MMS22L: variants seen among roughly 807,000 people sequenced by gnomAD.
MMS22L encodes protein MMS22-like.
A neutral mutation model predicts 159.1 loss-of-function variants in MMS22L; 74 were observed. The ratio of observed to expected loss-of-function variants is 0.47; its 90% CI spans 0.39 to 0.56. MMS22L has a LOEUF of 0.56. MMS22L is among the 20% of genes least tolerant of loss of function. The pLI, the probability that MMS22L is intolerant of heterozygous loss-of-function variation, is 0.00. For missense variants in MMS22L, 1,351 were observed against 1,422.1 expected, an observed-to-expected ratio of 0.95 and a Z score of 0.80; for synonymous variants, 517 against 506.9, an observed-to-expected ratio of 1.02 and a Z score of -0.27.
intron 18 of MMS22L, among the ~76,000 whole-genome samples, chr6:97,176,378 T>A (rs1048965219): frequency 3.3e-5 from 5 of 152,126 alleles, no homozygotes; most frequent in Non-Finnish European, 7.4e-5. Context: ...CATGTATTTC[T>A]CGGTACCTTG....
At chr6:97,168,414 G>C (rs1342467147) in intron 19 of MMS22L, among the ~76,000 whole-genome samples, 174 bp from the exon 20 acceptor site, 1 of 152,096 alleles carries the variant, frequency 6.6e-6, no homozygotes, top group Non-Finnish European at 1.5e-5. Context: ...TTTCACTAAA[G>C]AGACAAATTT....
At chr6:97,215,287 G>C (rs766973710) in intron 14 of MMS22L, among the ~76,000 whole-genome samples, 1 of 151,990 alleles carries the variant, frequency 6.6e-6, no homozygotes, top group Non-Finnish European at 1.5e-5. Context: ...GCTCTGCACA[G>C]TAGTTAGCTG....
intron 8 of MMS22L, chr6:97,267,653 A>G (rs1191735353): frequency 3.3e-5 from 10 of 298,802 alleles, no homozygotes; most frequent in African/African-American, 2.0e-4. Flanking sequence ...AAAAAAAAAA[A>G]AAAAAAGAAA....
chr6:97,220,174 C>T (rs560652495), intron 14 of MMS22L, among the ~76,000 whole-genome samples: 50 of 152,128 alleles, frequency 3.3e-4, no homozygotes, highest in South Asian at 2.1e-4. Context: ...CCCTCAACTT[C>T]GTTGGACAAG....
intron 20 of MMS22L, 34 bp from the exon 21 acceptor site, chr6:97,165,491 TA>T (rs1478136111): frequency 2.6e-6 from 4 of 1,557,328 alleles, no homozygotes; most frequent in Non-Finnish European, 2.6e-6. Flanking sequence ...TACTAAGAGG[TA>T]AAGTTTCAAA....
chr6:97,210,714 T>C (rs1808279718), intron 14 of MMS22L, among the ~76,000 whole-genome samples: 1 of 151,980 alleles, frequency 6.6e-6, no homozygotes, highest in Non-Finnish European at 1.5e-5. Context: ...TGAACTGTGT[T>C]GAATCTCTAA....
intron 8 of MMS22L, chr6:97,267,654 A>G (rs1246043282): frequency 1.3e-5 from 4 of 302,546 alleles, no homozygotes; most frequent in East Asian, 5.7e-5. Flanking sequence ...AAAAAAAAAA[A>G]AAAAAGAAAA....
Position 97,143,582 on chromosome 6 carries a change from AAACAAAC to A in MMS22L, c.*3217_*3223del, listed in dbSNP as rs2128228238. 6.6e-6 allele frequency: 1 copy of A among 152,368 alleles called. No homozygotes were observed. Among genetic ancestry groups the A allele is most frequent in the Admixed American group, 6.5e-5 (1 of 15,298 alleles). The allele number at this position is 152,368 out of a possible 1,614,324, so 9.4% of individuals were successfully genotyped here. A position where few individuals can be genotyped will look rare whatever the true frequency, so the allele number is the denominator to read the frequency against. Reference sequence around the variant, plus strand: ...GGAAATAAGTAGTGCCCAACAGAAAAAACAAACAACCAGTGGATGCAAGGCACTGCAA... The same window carrying A: ...GGAAATAAGTAGTGCCCAACAGAAAAAACCAGTGGATGCAAGGCACTGCAA... On this transcript the variant is annotated 3_prime_UTR_variant, in exon 25 of 25. Coordinates refer to ENST00000683635, the MANE Select transcript of MMS22L (RefSeq NM_001350599.2).
At chr6:97,238,408 T>C (rs1811657205) in intron 11 of MMS22L, among the ~76,000 whole-genome samples, 1 of 152,188 alleles carries the variant, frequency 6.6e-6, no homozygotes, top group Non-Finnish European at 1.5e-5. Flanking sequence ...AGAGATTTGA[T>C]TAAAGACATG....
intron 23 of MMS22L, 95 bp from the exon 24 acceptor site, chr6:97,150,115 G>A (rs1226721278): frequency 2.3e-6 from 2 of 871,006 alleles, no homozygotes; most frequent in Non-Finnish European, 3.4e-6. Context: ...ACATAACAAA[G>A]ATCATTTCAT....
At chr6:97,278,817 TC>T in intron 4 of MMS22L, 31 bp downstream of exon 4, 1 of 1,593,556 alleles carries the variant, frequency 6.3e-7, no homozygotes, top group Non-Finnish European at 8.6e-7. Context: ...GAAGCACCAT[TC>T]CCTTTTGCAT....
chr6:97,196,927 T>C (rs1406624111), intron 14 of MMS22L, among the ~76,000 whole-genome samples: 3 of 152,184 alleles, frequency 2.0e-5, no homozygotes, highest in Non-Finnish European at 4.4e-5. Context: ...TTAAGCGTTA[T>C]CTTATGCTCT....
At chr6:97,204,902 T>C (rs1372299270) in intron 14 of MMS22L, among the ~76,000 whole-genome samples, 1 of 151,320 alleles carries the variant, frequency 6.6e-6, no homozygotes, top group East Asian at 1.9e-4. Flanking sequence ...TTTTTTTTTT[T>C]TTAATATTTG....
intron 9 of MMS22L, among the ~76,000 whole-genome samples, chr6:97,257,924 T>C (rs753578487): frequency 4.6e-5 from 7 of 152,334 alleles, no homozygotes; most frequent in Non-Finnish European, 8.8e-5. Context: ...TTTCATCAGT[T>C]TTGTCCACTA....
chr6:97,154,911 T>G (rs776590943), intron 22 of MMS22L, among the ~76,000 whole-genome samples: 1 of 152,208 alleles, frequency 6.6e-6, no homozygotes, highest in African/African-American at 2.4e-5. Flanking sequence ...TTTCTTCTTC[T>G]TTTTCCAAGA....
chr6:97,162,876 G>A (rs1424936065), intron 21 of MMS22L, among the ~76,000 whole-genome samples: 3 of 151,958 alleles, frequency 2.0e-5, no homozygotes, highest in Non-Finnish European at 4.4e-5. Context: ...ATAAAAGTTG[G>A]AATTGCTTAG....
intron 14 of MMS22L, among the ~76,000 whole-genome samples, chr6:97,191,169 A>T (rs1805825562): frequency 6.6e-6 from 1 of 152,106 alleles, no homozygotes; most frequent in African/African-American, 2.4e-5. Flanking sequence ...CCCCACAGAC[A>T]CACAAATTTA....
At chr6:97,283,855 C>T (rs1816997430), upstream of MMS22L, among the ~76,000 whole-genome samples, 1 of 152,164 alleles carries the variant, frequency 6.6e-6, no homozygotes, top group African/African-American at 2.4e-5. Flanking sequence ...AGTGTATAGT[C>T]TGATCATAAT....
chr6:97,249,639 T>C (rs1171602337), intron 10 of MMS22L, among the ~76,000 whole-genome samples: 1 of 152,030 alleles, frequency 6.6e-6, no homozygotes, highest in Non-Finnish European at 1.5e-5. Flanking sequence ...AGGTCATGTA[T>C]GTACAAATCA....
Sources: gnomAD v4.1 joint callset for allele counts (sites outside exome capture counted in the v4.1 genomes callset) on GRCh38, gnomAD v4.1.1 for gene constraint, MANE v1.5 for transcripts, NCBI Gene and HGNC (gene_info 2026-07-23, HGNC 2026-07-21) for gene names.